RB1CC1: variants seen among roughly 807,000 people sequenced by gnomAD.
The protein encoded by RB1CC1 is RB1 inducible coiled-coil 1.
Under a neutral mutation model 177.5 loss-of-function variants are expected in RB1CC1, and 46 were observed. The observed-to-expected ratio is 0.26, with a 90% CI of 0.20 to 0.33. The LOEUF is 0.33. Ranked by LOEUF, RB1CC1 falls within the 10% of genes least tolerant of loss-of-function variation. The pLI, the probability that RB1CC1 is intolerant of heterozygous loss-of-function variation, is 1.00. For missense variants in RB1CC1, 1,703 were observed against 1,816.3 expected, an observed-to-expected ratio of 0.94 and a Z score of 1.13; for synonymous variants, 666 against 613.6, an observed-to-expected ratio of 1.09 and a Z score of -1.26.
At chr8:52,693,615 TTGG>T (rs1056763775) in intron 1 of RB1CC1, among the ~76,000 whole-genome samples, 10 of 152,124 alleles carry the variant, frequency 6.6e-5, no homozygotes, top group African/African-American at 2.4e-4. Flanking sequence ...TTTTACACTG[TTGG>T]TGGGAGTGTA....
intron 12 of RB1CC1, among the ~76,000 whole-genome samples, chr8:52,659,278 T>C (rs1159406915): frequency 6.6e-6 from 1 of 152,154 alleles, no homozygotes; most frequent in East Asian, 1.9e-4. Flanking sequence ...TGTATGTACA[T>C]ATACATATGG....
Position 52,676,423 on chromosome 8 carries a change from C to A in RB1CC1, c.518G>T (p.Ser173Ile), listed in dbSNP as rs1299554139. The A allele has an allele frequency of 2.5e-6, 4 of 1,612,876 alleles. No homozygotes were observed. The highest frequency in any genetic ancestry group is 2.5e-6 in the Non-Finnish European group (3 of 1,179,450). ...GGACTGCAGATAATTTGAATAAATA[C>A]TTTCAAACTTGAAAAGTAGCTTTTG... ...SYQKLLFKFESIYSNYLQSIE... is the reference protein window; with the variant it reads ...SYQKLLFKFEIIYSNYLQSIE... Residue 173 changes from serine to isoleucine, a missense_variant, in exon 6 of 24, where the codon AGT (serine) becomes ATT (isoleucine). Coordinates refer to ENST00000025008, the MANE Select transcript of RB1CC1 (RefSeq NM_014781.5).
intron 22 of RB1CC1, among the ~76,000 whole-genome samples, chr8:52,627,293 G>A (rs1563343474): frequency 2.0e-5 from 3 of 151,666 alleles, no homozygotes; most frequent in Non-Finnish European, 4.4e-5. Context: ...GTTGCAGTGA[G>A]CTGAGATCGT....
At chr8:52,658,413 C>T (rs953586531) in intron 13 of RB1CC1, among the ~76,000 whole-genome samples, 2 of 151,712 alleles carry the variant, frequency 1.3e-5, no homozygotes, top group Non-Finnish European at 2.9e-5. Context: ...CACATCTCTA[C>T]TAAAAATACA....
At chr8:52,687,592 C>T (rs1854385922) in intron 1 of RB1CC1, among the ~76,000 whole-genome samples, 1 of 152,128 alleles carries the variant, frequency 6.6e-6, no homozygotes, top group African/African-American at 2.4e-5. Context: ...TAGAGAGGCC[C>T]ACCTGATAAG....
chr8:52,635,995 C>T lies in RB1CC1; in HGVS notation c.4392+20G>A. 1 of 1,604,658 alleles carries T rather than the reference C, an allele frequency of 6.2e-7. No homozygotes were observed. Among genetic ancestry groups the T allele is most frequent in the Non-Finnish European group, 8.5e-7 (1 of 1,176,698 alleles). On this transcript the variant is annotated intron_variant, in intron 19 of 23. Transcript: ENST00000025008. ...AGTGAACATATTAAACATGGTACTTCAAGAAGATAATTTACTTACTCGTTC... is the reference window on the plus strand; with the variant it reads ...AGTGAACATATTAAACATGGTACTTTAAGAAGATAATTTACTTACTCGTTC...
chr8:52,652,823 TGAG>T (rs1193678493), intron 15 of RB1CC1, among the ~76,000 whole-genome samples: 1 of 152,112 alleles, frequency 6.6e-6, no homozygotes, highest in Non-Finnish European at 1.5e-5. Flanking sequence ...TTTGGGAGGC[TGAG>T]GCAGGTGGAT....
At chr8:52,695,357 A>G (rs1393654628) in intron 1 of RB1CC1, among the ~76,000 whole-genome samples, 3 of 152,264 alleles carry the variant, frequency 2.0e-5, no homozygotes, top group African/African-American at 7.2e-5. Flanking sequence ...TGAAAAATTA[A>G]CATTAACCAA....
intron 22 of RB1CC1, among the ~76,000 whole-genome samples, chr8:52,626,377 C>A (rs1227285296): frequency 2.6e-5 from 4 of 152,080 alleles, no homozygotes; most frequent in African/African-American, 9.7e-5. Flanking sequence ...ACACTGAAGT[C>A]TTCAAAATGA....
chr8:52,626,822 A>G (rs1171874203), intron 22 of RB1CC1, among the ~76,000 whole-genome samples: 2 of 152,116 alleles, frequency 1.3e-5, no homozygotes, highest in East Asian at 3.9e-4. Context: ...TCATGGGGAA[A>G]GTGGCCTAGT....
intron 12 of RB1CC1, among the ~76,000 whole-genome samples, chr8:52,659,503 T>C (rs1851414110): frequency 6.6e-6 from 1 of 152,142 alleles, no homozygotes; most frequent in South Asian, 2.1e-4. Context: ...ATTCATTATT[T>C]ATAAAATTGC....
At chr8:52,706,860 C>A (rs1213416915) in intron 1 of RB1CC1, among the ~76,000 whole-genome samples, 1 of 152,062 alleles carries the variant, frequency 6.6e-6, no homozygotes, top group African/African-American at 2.4e-5. Context: ...CAGGGTTTCG[C>A]CATGCTGGCC....
In RB1CC1 at chr8:52,656,837, T is replaced by A; in HGVS notation, c.2992A>T (p.Arg998Trp). The A allele has an allele frequency of 6.2e-7, 1 of 1,613,790 alleles. No individual in the cohort carries two copies. The change falls in exon 15 of 24, where the codon AGG (arginine) becomes TGG (tryptophan). Residue 998 changes from arginine to tryptophan, a missense_variant. Arg to Trp is a moderately radical substitution (Grantham distance 101, BLOSUM62 -3). Coordinates refer to ENST00000025008, the MANE Select transcript of RB1CC1 (RefSeq NM_014781.5). The stretch of plus-strand genomic sequence containing the variant: ...ACCTTCTCAAACTCTTGTATGTGCC[T>A]AACCTGAAGTGTGTCCTCTAATTCC... Reference protein sequence around the residue: ...LKELEDTLQVRHIQEFEKVMT... With the variant: ...LKELEDTLQVWHIQEFEKVMT...
intron 15 of RB1CC1, among the ~76,000 whole-genome samples, chr8:52,653,601 G>C (rs1222830210): frequency 6.6e-6 from 1 of 152,112 alleles, no homozygotes; most frequent in East Asian, 1.9e-4. Context: ...GGTCCACTAG[G>C]AGGAGGAGAT....
chr8:52,632,384 GAAAT>G (rs1481502425), intron 20 of RB1CC1, among the ~76,000 whole-genome samples: 3 of 152,232 alleles, frequency 2.0e-5, no homozygotes, highest in Non-Finnish European at 4.4e-5. Flanking sequence ...TTTAAAAAGA[GAAAT>G]AACACAACAA....
At chr8:52,696,113 C>T (rs1251860593) in intron 1 of RB1CC1, among the ~76,000 whole-genome samples, 3 of 152,298 alleles carry the variant, frequency 2.0e-5, no homozygotes, top group East Asian at 3.9e-4. Context: ...GGCACAATCT[C>T]GGCTCACTGC....
intron 1 of RB1CC1, among the ~76,000 whole-genome samples, chr8:52,711,405 C>T (rs958613927): frequency 6.6e-6 from 1 of 152,128 alleles, no homozygotes; most frequent in African/African-American, 2.4e-5. Flanking sequence ...GTGAGTTAAG[C>T]AAAAACTCAT....
At chr8:52,687,720 A>C (rs1429394228) in intron 1 of RB1CC1, among the ~76,000 whole-genome samples, 1 of 152,210 alleles carries the variant, frequency 6.6e-6, no homozygotes, top group African/African-American at 2.4e-5. Context: ...TGAGCCTCAG[A>C]GAAGACCTCA....
intron 12 of RB1CC1, among the ~76,000 whole-genome samples, chr8:52,659,753 T>C (rs1851444021): frequency 6.6e-6 from 1 of 152,176 alleles, no homozygotes; most frequent in African/African-American, 2.4e-5. Flanking sequence ...ACCTGAACAA[T>C]TTGGGAGGCC....
Sources: gnomAD v4.1 joint callset for allele counts (sites outside exome capture counted in the v4.1 genomes callset) on GRCh38, gnomAD v4.1.1 for gene constraint, MANE v1.5 for transcripts, NCBI Gene and HGNC (gene_info 2026-07-23, HGNC 2026-07-21) for gene names.